Variants in POC5 observed in about 807,000 individuals in gnomAD.
POC5 encodes the protein POC5 centriolar protein, also known as centrosomal protein POC5.
A neutral mutation model predicts 62.9 loss-of-function variants in POC5; 48 were observed. The ratio of observed to expected loss-of-function variants is 0.76; its 90% CI spans 0.61 to 0.97. The LOEUF (loss-of-function observed/expected upper bound fraction) is 0.97, where lower values mean the gene tolerates loss of function less well. Ranked by LOEUF, POC5 falls within the 50% of genes least tolerant of loss-of-function variation. POC5 has a pLI of 0.00. For synonymous variants in POC5, 236 were observed against 228.2 expected (o/e 1.03, Z -0.31); for missense variants, 696 against 679.5 (o/e 1.02, Z -0.27).
At chr5:75,698,457 C>G (rs1030152867) in intron 5 of POC5, among the ~76,000 whole-genome samples, 3 of 152,046 alleles carry the variant, frequency 2.0e-5, no homozygotes, top group African/African-American at 7.3e-5. Flanking sequence ...CAACCTGCTC[C>G]TGAATGACTA....
intron 2 of POC5, among the ~76,000 whole-genome samples, chr5:75,710,271 C>T (rs528468417): frequency 6.6e-6 from 1 of 152,276 alleles, no homozygotes; most frequent in South Asian, 2.1e-4. Flanking sequence ...TATTATACTT[C>T]CCAAACACCC....
chr5:75,677,760 A>G lies in POC5; in HGVS notation c.1584+14T>C. The G allele has an allele frequency of 6.4e-7, 1 of 1,552,128 alleles. No individual in the cohort carries two copies. Among genetic ancestry groups the G allele is most frequent in the Non-Finnish European group, 8.7e-7 (1 of 1,148,436 alleles). On this transcript the variant is annotated intron_variant, in intron 11 of 11. Transcript: ENST00000428202. ...AAAGACTTTTTGACAAAAGGTCATCAAATGTGGACTCACCACTGTGACTGG... is the reference window on the plus strand; with the variant it reads ...AAAGACTTTTTGACAAAAGGTCATCGAATGTGGACTCACCACTGTGACTGG...
At chr5:75,689,471 T>TTTA in intron 8 of POC5, 1 of 984,410 alleles carries the variant, frequency 1.0e-6, no homozygotes, top group Non-Finnish European at 1.2e-6. Flanking sequence ...CTGTAAAACT[T>TTTA]TTATGTAGGA....
chr5:75,679,508 G>A (rs1182565753), intron 10 of POC5, among the ~76,000 whole-genome samples: 1 of 152,096 alleles, frequency 6.6e-6, no homozygotes, highest in African/African-American at 2.4e-5. Context: ...ACAGAGTATT[G>A]ATGTTTTTGG....
In POC5 at chr5:75,685,265, T is replaced by C. The variant is rs1243112346; in HGVS notation, c.1349A>G (p.His450Arg). ...STRAASASSV[H>R]VPVSALGAGS... ...TGCACCAAGAGCAGAAACAGGAACG[T>C]GAACAGAAGATGCGGAAGCAGCCCT... Residue 450 changes from histidine to arginine, a missense_variant, in exon 10 of 12, where the codon CAC becomes CGC. Physicochemically the swap from His to Arg is conservative, Grantham distance 29. Coordinates refer to ENST00000428202, the MANE Select transcript of POC5 (RefSeq NM_001099271.2). 1 of 1,613,842 alleles carries C rather than the reference T, an allele frequency of 6.2e-7. No homozygotes were observed. The highest frequency in any genetic ancestry group is 1.3e-5 in the African/African-American group (1 of 74,892).
intron 4 of POC5, among the ~76,000 whole-genome samples, chr5:75,704,577 C>G (rs1777044469): frequency 6.6e-6 from 1 of 152,134 alleles, no homozygotes; most frequent in South Asian, 2.1e-4. Flanking sequence ...CATGAATATT[C>G]TCTTTTACTT....
At chr5:75,685,767 C>A (rs531874496) in intron 9 of POC5, among the ~76,000 whole-genome samples, 2 of 152,276 alleles carry the variant, frequency 1.3e-5, no homozygotes, top group Non-Finnish European at 2.9e-5. Flanking sequence ...TCAGCTGGGA[C>A]CTTAGCTAAG....
intron 5 of POC5, among the ~76,000 whole-genome samples, chr5:75,701,132 C>G (rs1776858993): frequency 7.5e-6 from 1 of 133,420 alleles, no homozygotes; most frequent in African/African-American, 2.6e-5. Context: ...GGACTGTAAA[C>G]TAGTTCAACC....
chr5:75,713,108 C>T (rs932998963), intron 1 of POC5, among the ~76,000 whole-genome samples, 157 bp from the exon 2 acceptor site: 1 of 152,200 alleles, frequency 6.6e-6, no homozygotes, highest in Non-Finnish European at 1.5e-5. Context: ...GGCAAAAAAT[C>T]ACTGGGCAAA....
intron 10 of POC5, among the ~76,000 whole-genome samples, chr5:75,680,445 T>TA (rs1474348055): frequency 6.6e-6 from 1 of 152,140 alleles, no homozygotes; most frequent in African/African-American, 2.4e-5. Flanking sequence ...TATACTCCTG[T>TA]AAATAAAATG....
chr5:75,689,287 T>C (rs1776221344), intron 8 of POC5, 122 bp from the exon 9 acceptor site: 1 of 1,360,274 alleles, frequency 7.4e-7, no homozygotes, highest in Non-Finnish European at 9.4e-7. Context: ...GTCACTTACC[T>C]CTTCTGCTAT....
At chr5:75,678,988 T>G (rs1775778757) in intron 10 of POC5, among the ~76,000 whole-genome samples, 1 of 152,182 alleles carries the variant, frequency 6.6e-6, no homozygotes, top group Non-Finnish European at 1.5e-5. Context: ...TGTATTCCAT[T>G]TTGTCAACTA....
At chr5:75,677,621 TAAA>T (rs58777768) in intron 11 of POC5, 150 bp downstream of exon 11, 182 of 390,642 alleles carry the variant, frequency 4.7e-4, no homozygotes, top group African/African-American at 2.3e-3. Flanking sequence ...GTATATATAT[TAAA>T]AAAAAAAAAA....
At chr5:75,695,148 A>C (rs965621251) in intron 5 of POC5, among the ~76,000 whole-genome samples, 1 of 152,230 alleles carries the variant, frequency 6.6e-6, no homozygotes, top group Non-Finnish European at 1.5e-5. Flanking sequence ...TGTCCATATG[A>C]AGATGGATCA....
At position 75,690,437 on chromosome 5, in the gene POC5, TCTTG is replaced by T; in HGVS notation, c.917_920del (p.Ala306GlufsTer45). 1.2e-6 allele frequency: 2 copies of T among 1,612,538 alleles called. No homozygotes were observed. Among genetic ancestry groups the T allele is most frequent in the Non-Finnish European group, 1.7e-6 (2 of 1,179,288 alleles). On this transcript the variant is annotated frameshift_variant, in exon 8 of 12. Transcript: ENST00000428202. LOFTEE classifies it high-confidence loss of function. ...AAATCTGGATACAAACTTCTTCAGC[TCTTG>T]CTTGACAAGCTCTTTCTACCACATC...
intron 4 of POC5, among the ~76,000 whole-genome samples, chr5:75,703,759 C>T (rs960860777): frequency 7.2e-5 from 11 of 152,128 alleles, no homozygotes; most frequent in African/African-American, 2.4e-4. Flanking sequence ...ATGTACACAT[C>T]TCTATATGTA....
intron 3 of POC5, among the ~76,000 whole-genome samples, chr5:75,706,110 T>C (rs569200911): frequency 6.6e-6 from 1 of 152,358 alleles, no homozygotes; most frequent in East Asian, 1.9e-4. Flanking sequence ...TGCTCTCTTA[T>C]GACACTGGGT....
At position 75,690,443 on chromosome 5, in the gene POC5, T is replaced by C; in HGVS notation, c.915A>G (p.Gln305=). 6.2e-7 allele frequency: 1 copy of C among 1,612,542 alleles called. No individual in the cohort carries two copies. The highest frequency in any genetic ancestry group is 1.7e-4 in the Middle Eastern group (1 of 6,060). ...GGATACAAACTTCTTCAGCTCTTGC[T>C]TGACAAGCTCTTTCTACCACATCTT... ...QWKDVVERAC[Q]ARAEEVCIQI... is the part of the protein sequence containing the mutation. Residue 305 remains glutamine (Q), a synonymous_variant, in exon 8 of 12, where the codon CAA becomes CAG. Transcript: ENST00000428202.
chr5:75,707,259 T>C (rs1213650211), intron 3 of POC5, among the ~76,000 whole-genome samples: 3 of 152,236 alleles, frequency 2.0e-5, no homozygotes, highest in Non-Finnish European at 2.9e-5. Flanking sequence ...GTTGCTGACA[T>C]GGTCCACAGA....
Sources: gnomAD v4.1 joint callset for allele counts (sites outside exome capture counted in the v4.1 genomes callset) on GRCh38, gnomAD v4.1.1 for gene constraint, MANE v1.5 for transcripts, NCBI Gene and HGNC (gene_info 2026-07-23, HGNC 2026-07-21) for gene names.